Variants in SHISA9 observed in about 807,000 individuals in gnomAD.
SHISA9 encodes the protein protein shisa-9.
Under a neutral mutation model 38.0 loss-of-function variants are expected in SHISA9, and 13 were observed. That is an observed-to-expected ratio of 0.34 (90% CI 0.22 to 0.54). SHISA9 has a LOEUF of 0.54. SHISA9 is among the 20% of genes least tolerant of loss of function. The pLI is 0.91. For synonymous variants in SHISA9, 275 were observed against 242.0 expected (o/e 1.14, Z -1.27); for missense variants, 538 against 575.8 (o/e 0.93, Z 0.67).
At chr16:13,262,707 A>C in the SHISA9 span, among the ~76,000 whole-genome samples, 1 of 150,704 alleles carries the variant, frequency 6.6e-6, no homozygotes. Context: ...GAAGGAAGGA[A>C]GGAAAGAAGG....
the SHISA9 span, among the ~76,000 whole-genome samples, chr16:13,490,374 C>A: frequency 1.3e-5 from 2 of 152,060 alleles, no homozygotes; most frequent in African/African-American, 4.8e-5. Flanking sequence ...CATGGACAGA[C>A]CCTATCTCTA....
chr16:13,139,982 G>T (rs1390636665), intron 2 of SHISA9, among the ~76,000 whole-genome samples: 1 of 152,006 alleles, frequency 6.6e-6, no homozygotes, highest in Non-Finnish European at 1.5e-5. Flanking sequence ...GCTTGGCTCT[G>T]GCTTTATGCT....
chr16:13,049,375 C>A (rs7204379), intron 2 of SHISA9, among the ~76,000 whole-genome samples: 1 of 152,070 alleles, frequency 6.6e-6, no homozygotes, highest in South Asian at 2.1e-4. Context: ...GTAAGATTGT[C>A]TATCAGGTGC....
chr16:13,039,234 G>A (rs760492984), intron 2 of SHISA9, among the ~76,000 whole-genome samples: 4 of 152,152 alleles, frequency 2.6e-5, no homozygotes, highest in South Asian at 4.1e-4. Flanking sequence ...TAATCATAAT[G>A]TTAAATATTT....
the SHISA9 span, among the ~76,000 whole-genome samples, chr16:13,494,160 G>T: frequency 6.6e-6 from 1 of 152,210 alleles, no homozygotes; most frequent in Non-Finnish European, 1.5e-5. Flanking sequence ...TGAGACAAGA[G>T]CTAGACACAT....
chr16:13,095,686 A>T (rs1423865352), intron 2 of SHISA9, among the ~76,000 whole-genome samples: 1 of 152,254 alleles, frequency 6.6e-6, no homozygotes, highest in South Asian at 2.1e-4. Context: ...AACGAGTTCC[A>T]TAAAGGCAGG....
chr16:13,242,392 T>A (rs1034644807), downstream of SHISA9, among the ~76,000 whole-genome samples: 4 of 152,208 alleles, frequency 2.6e-5, no homozygotes, highest in African/African-American at 9.6e-5. Context: ...TGCACTAGAG[T>A]GGCCCCTGGA....
chr16:13,458,736 A>G, the SHISA9 span: 1 of 212,112 alleles, frequency 4.7e-6, no homozygotes, highest in South Asian at 7.5e-5. Context: ...TGAACATTTA[A>G]GACAGAGGCT....
chr16:13,390,968 C>T, the SHISA9 span, among the ~76,000 whole-genome samples: 1 of 152,046 alleles, frequency 6.6e-6, no homozygotes, highest in Non-Finnish European at 1.5e-5. Flanking sequence ...CCATTCCAAC[C>T]ATGGCAATCT....
the SHISA9 span, among the ~76,000 whole-genome samples, chr16:13,355,116 C>T: frequency 6.7e-6 from 1 of 150,270 alleles, no homozygotes; most frequent in Non-Finnish European, 1.5e-5. Context: ...ACGGGTTTGG[C>T]ACCACGGGGT....
chr16:13,527,979 T>A, the SHISA9 span, among the ~76,000 whole-genome samples: 1 of 152,214 alleles, frequency 6.6e-6, no homozygotes, highest in Non-Finnish European at 1.5e-5. Flanking sequence ...ATAGACTGTG[T>A]CATCTTGGAT....
chr16:13,533,941 G>A, the SHISA9 span, among the ~76,000 whole-genome samples: 4 of 151,660 alleles, frequency 2.6e-5, no homozygotes, highest in African/African-American at 4.8e-5. Context: ...CTGCCACTGC[G>A]CCCAGCTAAT....
chr16:13,154,101 C>G (rs2050522566), intron 2 of SHISA9, among the ~76,000 whole-genome samples: 1 of 152,094 alleles, frequency 6.6e-6, no homozygotes, highest in Admixed American at 6.6e-5. Context: ...TTATTAAGCA[C>G]CTATCATGTG....
chr16:13,338,597 C>G, the SHISA9 span, among the ~76,000 whole-genome samples: 5 of 152,126 alleles, frequency 3.3e-5, no homozygotes, highest in Non-Finnish European at 5.9e-5. Context: ...GGAAGTCTGG[C>G]TTCTACACTG....
intron 2 of SHISA9, among the ~76,000 whole-genome samples, chr16:12,996,681 A>T (rs2072461466): frequency 6.6e-6 from 1 of 151,918 alleles, no homozygotes; most frequent in African/African-American, 2.4e-5. Context: ...GGGTCTTTGG[A>T]TGTGTCTCAA....
At chr16:13,324,714 C>G in the SHISA9 span, among the ~76,000 whole-genome samples, 1 of 152,062 alleles carries the variant, frequency 6.6e-6, no homozygotes, top group African/African-American at 2.4e-5. Context: ...TTTATGTTGT[C>G]AAGATTAAGG....
chr16:13,396,458 G>C, the SHISA9 span, among the ~76,000 whole-genome samples: 1 of 152,202 alleles, frequency 6.6e-6, no homozygotes, highest in African/African-American at 2.4e-5. Flanking sequence ...AGTGAACTGA[G>C]ATTATGCCAT....
chr16:13,493,791 G>A, the SHISA9 span, among the ~76,000 whole-genome samples: 286 of 152,284 alleles, frequency 1.9e-3, no homozygotes, highest in African/African-American at 6.4e-3. Flanking sequence ...TGTGCTAAGT[G>A]CTTTGCCTGG....
At chr16:13,018,324 C>G (rs2072781702) in intron 2 of SHISA9, among the ~76,000 whole-genome samples, 1 of 152,236 alleles carries the variant, frequency 6.6e-6, no homozygotes, top group African/African-American at 2.4e-5. Flanking sequence ...AATCTAGTCT[C>G]ACGCAGGTTG....
Sources: gnomAD v4.1 joint callset for allele counts (sites outside exome capture counted in the v4.1 genomes callset) on GRCh38, gnomAD v4.1.1 for gene constraint, MANE v1.5 for transcripts, NCBI Gene and HGNC (gene_info 2026-07-23, HGNC 2026-07-21) for gene names.